The following MKI67 variants were observed in gnomAD, a reference collection of about 807,000 sequenced individuals.
MKI67 encodes marker of proliferation Ki-67.
MKI67 carries 152 observed loss-of-function variants against 233.5 expected under a neutral mutation model. The ratio of observed to expected loss-of-function variants is 0.65; its 90% CI spans 0.57 to 0.74. The LOEUF (loss-of-function observed/expected upper bound fraction) is 0.74, where lower values mean the gene tolerates loss of function less well. MKI67 is among the 30% of genes least tolerant of loss of function. The pLI, the probability that MKI67 is intolerant of heterozygous loss-of-function variation, is 0.00. For synonymous variants in MKI67, 1,465 were observed against 1,418.5 expected, an observed-to-expected ratio of 1.03 and a Z score of -0.74; for missense variants, 3,940 against 3,885.2, an observed-to-expected ratio of 1.01 and a Z score of -0.37.
In MKI67 at chr10:128,106,490, T is replaced by G; in HGVS notation, c.5350A>C (p.Thr1784Pro). The G allele has an allele frequency of 6.2e-7, 1 of 1,614,176 alleles. No homozygotes were observed. Among genetic ancestry groups the G allele is most frequent in the Non-Finnish European group, 8.5e-7 (1 of 1,180,032 alleles). Residue 1784 changes from threonine to proline, a missense_variant, in exon 13 of 15, where the codon ACA becomes CCA. Physicochemically the swap from Thr to Pro is conservative, Grantham distance 38. Transcript: ENST00000368654. ...TCTTCACCTACTGCTGGTTTGGGTG[T>G]GTGCATGGCTTTGCCTGCTGATGGC... ...QTPSAGKAMHTPKPAVGEEKD... is the reference protein window; with the variant it reads ...QTPSAGKAMHPPKPAVGEEKD...
In MKI67 at chr10:128,099,171, T is replaced by C. The variant is rs1852278435; in HGVS notation, c.*19A>G. ...CACAAAACTAACTTTATTATATTTT[T>C]CCCAGTTCGATTTTTCTGTCAAATA... is the stretch of plus-strand genomic sequence containing the variant. On this transcript the variant is annotated 3_prime_UTR_variant, in exon 15 of 15. Coordinates refer to ENST00000368654, the MANE Select transcript of MKI67 (RefSeq NM_002417.5). 6.3e-7 allele frequency: 1 copy of C among 1,588,562 alleles called. No homozygotes were observed.
At chr10:128,121,537 T>TA (rs1198978572) in intron 4 of MKI67, among the ~76,000 whole-genome samples, 2 of 137,700 alleles carry the variant, frequency 1.5e-5, no homozygotes, top group African/African-American at 5.3e-5. Context: ...TTATATATTA[T>TA]ATTATAATTA....
rs1852456115 is a variant in MKI67 at position 128,105,303 on chromosome 10, C to T, written c.6537G>A (p.Arg2179=). The T allele has an allele frequency of 6.2e-7, 1 of 1,613,924 alleles. No homozygotes were observed. The highest frequency in any genetic ancestry group is 1.3e-5 in the African/African-American group (1 of 74,842). ...CTTTTCCCTTAGGAGTTCTTGGCTG[C>T]CTCTTGCTACCAGTTACACTTGCTG... ...DPAASVTGSK[R]QPRTPKGKAQ... The change falls in exon 13 of 15, where the codon AGG becomes AGA. Residue 2179 remains arginine, a synonymous_variant. Transcript: ENST00000368654.
At position 128,106,009 on chromosome 10, in the gene MKI67, G is replaced by C. The variant is rs143734730; in HGVS notation, c.5831C>G (p.Pro1944Arg). Residue 1944 changes from proline to arginine, a missense_variant, in exon 13 of 15, where the codon CCT becomes CGT. Coordinates refer to ENST00000368654, the MANE Select transcript of MKI67 (RefSeq NM_002417.5). ...LPGSKRRPQTPKEKAKALEDL... is the reference protein window; with the variant it reads ...LPGSKRRPQTRKEKAKALEDL... ...TTCTAGAGCCTTGGCCTTTTCTTTA[G>C]GAGTTTGTGGCCGTCTCTTGCTGCC... 1 of 1,614,096 alleles carries C rather than the reference G, an allele frequency of 6.2e-7. No individual in the cohort carries two copies. Among genetic ancestry groups the C allele is most frequent in the East Asian group, 2.2e-5 (1 of 44,880 alleles).
intron 14 of MKI67, among the ~76,000 whole-genome samples, chr10:128,100,577 T>A (rs900352588): frequency 6.6e-6 from 1 of 152,160 alleles, no homozygotes; most frequent in African/African-American, 2.4e-5. Context: ...AAGGGAGCAA[T>A]TCAACCTATT....
At chr10:128,116,273 A>G (rs929882617) in intron 6 of MKI67, among the ~76,000 whole-genome samples, 1 of 152,186 alleles carries the variant, frequency 6.6e-6, no homozygotes, top group Admixed American at 6.5e-5. Flanking sequence ...TGAACAGGCA[A>G]TTTTCTCATA....
chr10:128,102,980 T>A lies in MKI67; in HGVS notation c.8860A>T (p.Lys2954Ter). Residue 2954 changes from lysine to a stop codon, truncating the protein, a stop_gained, in exon 13 of 15, where the codon AAA becomes TAA. Coordinates refer to ENST00000368654, the MANE Select transcript of MKI67 (RefSeq NM_002417.5). LOFTEE classifies it high-confidence loss of function. ...ACTCTTCTGGATATTTTTAGAGGTT[T>A]TCCACTGTCAGGTGTTTGCTTTGGA... is the stretch of plus-strand genomic sequence containing the variant. The part of the protein sequence containing the change: ...SAPKQTPDSG[K>*]PLKISRRVLR... 1 of 1,614,250 alleles carries A rather than the reference T, an allele frequency of 6.2e-7. No individual in the cohort carries two copies. The highest frequency in any genetic ancestry group is 2.2e-5 in the East Asian group (1 of 44,890).
intron 4 of MKI67, among the ~76,000 whole-genome samples, chr10:128,121,598 T>TACA (rs1852949398): frequency 2.2e-5 from 1 of 44,766 alleles, no homozygotes; most frequent in Non-Finnish European, 4.6e-5. Context: ...AAGTGATATA[T>TACA]ATAATAATTA....
rs368086692 is a variant in MKI67, at chr10:128,109,278, C to T, written c.2562G>A (p.Leu854=). The T allele has an allele frequency of 6.2e-7, 1 of 1,613,986 alleles. No individual in the cohort carries two copies. The highest frequency in any genetic ancestry group is 1.3e-5 in the African/African-American group (1 of 74,914). Residue 854 remains leucine, a synonymous_variant, in exon 13 of 15, where the codon CTG becomes CTA. Coordinates refer to ENST00000368654, the MANE Select transcript of MKI67 (RefSeq NM_002417.5). ...TCTCAGTATCTGAAGTTTTTGTCTC[C>T]AGAGAAGTCATTTTGTAGGTGTTCC... ...TPRNTYKMTS[L]ETKTSDTETE...
intron 5 of MKI67, 64 bp from the exon 6 acceptor site, chr10:128,116,600 G>T (rs758833273): frequency 7.0e-7 from 1 of 1,428,402 alleles, no homozygotes; most frequent in Non-Finnish European, 9.9e-7. Flanking sequence ...AGTCACAACA[G>T]TGAAAATATT....
rs1853032062 is a variant in MKI67 at position 128,125,323 on chromosome 10, T to C, written c.92+253A>G. Among the ~76,000 whole-genome samples the C allele has an allele frequency of 6.6e-6, 1 of 152,196 alleles. No individual in the cohort carries two copies. The highest frequency in any genetic ancestry group is 2.4e-5 in the African/African-American group (1 of 41,460). ...TATGAAGATCATCTACATCTTTCTT[T>C]ACCGCAACATTAGCAAATCGATTTT... On this transcript the variant is annotated intron_variant, in intron 2 of 14. Transcript: ENST00000368654. This position sits in a 1 kb window ranked among gnomAD's most constrained non-coding sequence, Gnocchi z 5.3.
rs138398400 is a variant in MKI67 at position 128,113,544 on chromosome 10, T to A, written c.1539A>T (p.Arg513Ser). ...RRRVSFGGHL[R>S]PELFDENLPP... The stretch of plus-strand genomic sequence containing the variant: ...GCAAGTTTTCATCAAATAGTTCAGG[T>A]CTTAGGTGCCCACCAAAGGACACAC... Residue 513 changes from arginine to serine, a missense_variant, in exon 8 of 15, where the codon AGA (arginine) becomes AGT (serine). Transcript: ENST00000368654. 6.2e-7 allele frequency: 1 copy of A among 1,614,074 alleles called. No homozygotes were observed. The highest frequency in any genetic ancestry group is 8.5e-7 in the Non-Finnish European group (1 of 1,180,036).
At chr10:128,112,703 C>G (rs1323061950) in intron 8 of MKI67, among the ~76,000 whole-genome samples, 2 of 152,156 alleles carry the variant, frequency 1.3e-5, no homozygotes, top group Non-Finnish European at 2.9e-5. Context: ...CAGTGAAAGA[C>G]AAGCAGGGTC....
Position 128,104,103 on chromosome 10 carries a change from G to A in MKI67, c.7737C>T (p.Asp2579=), listed in dbSNP as rs765146663. 3.1e-6 allele frequency: 5 copies of A among 1,614,026 alleles called. No individual in the cohort carries two copies. Among genetic ancestry groups the A allele is most frequent in the Middle Eastern group, 1.6e-4 (1 of 6,062 alleles). Residue 2579 remains aspartate, a synonymous_variant, in exon 13 of 15, where the codon GAC becomes GAT. Transcript: ENST00000368654. The part of the protein sequence containing the change: ...PGHTEESMTI[D]KNTKIPCKSP... ...ATTTGCAGGGAATTTTTGTGTTTTT[G>A]TCAATAGTCATTGACTCTTCAGTGT...
At position 128,096,783 on chromosome 10, in the gene MKI67, C is replaced by G. The variant is rs2136119574; in HGVS notation, c.*2407G>C. 1 of 152,328 alleles carries G rather than the reference C, an allele frequency of 6.6e-6. No individual in the cohort carries two copies. Among genetic ancestry groups the G allele is most frequent in the African/African-American group, 2.4e-5 (1 of 41,562 alleles). The allele number at this position is 152,328 out of a possible 1,614,324, so 9.4% of individuals were successfully genotyped here. ...AAACTTACAACCCCAGGAGGGGAGCCAGAAACTCAATTAGTGGCTTAGTTT... is the reference window on the plus strand; with the variant it reads ...AAACTTACAACCCCAGGAGGGGAGCGAGAAACTCAATTAGTGGCTTAGTTT... On this transcript the variant is annotated 3_prime_UTR_variant, in exon 15 of 15. Coordinates refer to ENST00000368654, the MANE Select transcript of MKI67 (RefSeq NM_002417.5).
rs775758448 is a variant in MKI67, at chr10:128,112,312, C to G, written c.1790G>C (p.Arg597Thr). ...KTPVASDQRR[R>T]SCKTAPASSS... ...GGAAGCAGGGGCTGTTTTGCAGGAC[C>G]TACGGCGTTGATCACTGGCAACTGG... Residue 597 changes from arginine (R) to threonine (T), a missense_variant, in exon 9 of 15, where the codon AGG becomes ACG. Arg to Thr is a moderately conservative substitution (Grantham distance 71). Coordinates refer to ENST00000368654, the MANE Select transcript of MKI67 (RefSeq NM_002417.5). 6.2e-7 allele frequency: 1 copy of G among 1,614,188 alleles called. No homozygotes were observed.
Position 128,107,542 on chromosome 10 carries a change from G to A in MKI67, c.4298C>T (p.Ala1433Val), listed in dbSNP as rs770946589. The stretch of plus-strand genomic sequence containing the variant: ...TTTCTGTTTTGCAGTTTCCCTAAAC[G>A]CGTTGATGCTTTTATCCTCACCTCC... ...VPGGEDKSIN[A>V]FRETAKQKLD... The change falls in exon 13 of 15, where the codon GCG (alanine) becomes GTG (valine). Residue 1433 changes from alanine (A) to valine (V), a missense_variant. Ala to Val is a moderately conservative substitution (Grantham distance 64). Coordinates refer to ENST00000368654, the MANE Select transcript of MKI67 (RefSeq NM_002417.5). 21 of 1,613,902 alleles carry A rather than the reference G, an allele frequency of 1.3e-5. No individual in the cohort carries two copies. Among genetic ancestry groups the A allele is most frequent in the African/African-American group, 5.3e-5 (4 of 74,858 alleles).
In MKI67 at chr10:128,101,489, A is replaced by T. The variant is rs1852332733; in HGVS notation, c.9474T>A (p.Ser3158=). The change falls in exon 14 of 15, where the codon TCT becomes TCA. Residue 3158 remains serine, a synonymous_variant. Transcript: ENST00000368654. The part of the protein sequence containing the change: ...KVTENKRCLR[S]ARQNESSQPK... ...GCTGGGAGCTCTCATTCTGTCTAGCAGACCTCAAGCACCTTTTGTTCTCAG... is the reference window on the plus strand; with the variant it reads ...GCTGGGAGCTCTCATTCTGTCTAGCTGACCTCAAGCACCTTTTGTTCTCAG... 6.2e-7 allele frequency: 1 copy of T among 1,614,080 alleles called. No individual in the cohort carries two copies. Among genetic ancestry groups the T allele is most frequent in the Admixed American group, 1.7e-5 (1 of 60,014 alleles).
intron 2 of MKI67, among the ~76,000 whole-genome samples, chr10:128,124,080 A>G (rs1022931176): frequency 8.5e-5 from 13 of 152,236 alleles, no homozygotes; most frequent in African/African-American, 2.4e-4. Flanking sequence ...AATTATTTCT[A>G]AATTATAAAA....
Sources: allele counts gnomAD v4.1 joint callset (sites outside exome capture counted in the v4.1 genomes callset), GRCh38; gene constraint gnomAD v4.1.1; non-coding constraint Gnocchi (gnomAD v3.1); transcripts MANE v1.5; gene names NCBI Gene and HGNC (gene_info 2026-07-23, HGNC 2026-07-21).